GRIK2: variants seen among roughly 807,000 people sequenced by gnomAD.
The protein encoded by GRIK2 is glutamate receptor ionotropic, kainate 2.
A neutral mutation model predicts 100.3 loss-of-function variants in GRIK2; 32 were observed. That is an observed-to-expected ratio of 0.32 (90% CI 0.24 to 0.43). GRIK2 has a LOEUF of 0.43. Ranked by LOEUF, GRIK2 falls within the 20% of genes least tolerant of loss-of-function variation. GRIK2 has a pLI of 1.00. For synonymous variants in GRIK2, 417 were observed against 389.4 expected, an observed-to-expected ratio of 1.07 and a Z score of -0.83; for missense variants, 843 against 1,114.9, an observed-to-expected ratio of 0.76 and a Z score of 3.47.
chr6:101,801,968 C>G lies in GRIK2; in HGVS notation c.1096-363C>G, dbSNP rs1274518069. Among the ~76,000 whole-genome samples the G allele has an allele frequency of 1.5e-4, 23 of 151,820 alleles. No homozygotes were observed. In the South Asian group the frequency reaches 4.8e-3, roughly 31 times the overall value. Reference sequence around the variant, plus strand: ...GTAGTGGGATTTTATAACAGTAGTTCTAACTGTATTTGCCAGTGAGATATT... The same window carrying G: ...GTAGTGGGATTTTATAACAGTAGTTGTAACTGTATTTGCCAGTGAGATATT... On this transcript the variant is annotated intron_variant, in intron 8 of 16. Transcript: ENST00000369134.
In GRIK2 at chr6:102,035,238, G is replaced by C. The variant is rs537591093; in HGVS notation, c.2086-103G>C. On this transcript the variant is annotated intron_variant, in intron 14 of 16. Transcript: ENST00000369134. Reference sequence around the variant, plus strand: ...ATTCCTTAAAAATTATATTAAGATGGTACAAGTAAAGTAAATGTAGTTCAT... The same window carrying C: ...ATTCCTTAAAAATTATATTAAGATGCTACAAGTAAAGTAAATGTAGTTCAT... 1.7e-5 allele frequency: 8 copies of C among 478,126 alleles called. No homozygotes were observed. In the South Asian group the frequency reaches 2.9e-4, roughly 17 times the overall value. The allele number at this position is 478,126 out of a possible 1,614,324, so 29.6% of individuals were successfully genotyped here. A position where few individuals can be genotyped will look rare whatever the true frequency, so the allele number is the denominator to read the frequency against.
intron 4 of GRIK2, among the ~76,000 whole-genome samples, chr6:101,667,934 T>C (rs1209269750): frequency 1.3e-5 from 2 of 152,138 alleles, no homozygotes; most frequent in Admixed American, 1.3e-4. Context: ...AATAATCAAT[T>C]ATCCCTGACA....
At chr6:101,520,961 G>A (rs1196428106) in intron 2 of GRIK2, among the ~76,000 whole-genome samples, 10 of 151,888 alleles carry the variant, frequency 6.6e-5, no homozygotes, top group Admixed American at 6.6e-4. Context: ...TTATACATAG[G>A]AAGTTGAATA....
chr6:102,053,074 C>T (rs995268334), intron 15 of GRIK2, among the ~76,000 whole-genome samples: 1 of 146,602 alleles, frequency 6.8e-6, no homozygotes, highest in Non-Finnish European at 1.5e-5. Context: ...TCTACAAAGA[C>T]AAACAACAAC....
At chr6:101,538,501 A>T (rs1775829824) in intron 2 of GRIK2, among the ~76,000 whole-genome samples, 1 of 151,716 alleles carries the variant, frequency 6.6e-6, no homozygotes, top group Non-Finnish European at 1.5e-5. Context: ...TCTTATACAT[A>T]GTAGGTTAAA....
Position 101,393,851 on chromosome 6 carries a change from G to A in GRIK2, c.-294+14G>A, listed in dbSNP as rs904600503. 5.0e-5 allele frequency among the ~76,000 whole-genome samples: 7 copies of A among 140,746 alleles called. No homozygotes were observed. Among genetic ancestry groups the A allele is most frequent in the African/African-American group, 1.8e-4 (7 of 39,624 alleles). 92.3% of individuals were successfully genotyped at this position (140,746 alleles called of 152,430 possible). The stretch of plus-strand genomic sequence containing the variant: ...CCCTAGCTCCAGGTAAGGACTCCCC[G>A]GCTGTGGGCTGCACTCCGGGCTCCT... On this transcript the variant is annotated intron_variant, in intron 1 of 16. Transcript: ENST00000369134.
intron 7 of GRIK2, among the ~76,000 whole-genome samples, chr6:101,791,315 G>T (rs1249595830): frequency 6.6e-6 from 1 of 152,002 alleles, no homozygotes; most frequent in Non-Finnish European, 1.5e-5. Context: ...GTCAATTTTG[G>T]ATCTTTCCTG....
rs578087920 is a variant in GRIK2, at chr6:101,595,230, G to T, written c.116-26719G>T. 1.4e-3 allele frequency among the ~76,000 whole-genome samples: 211 copies of T among 151,756 alleles called. 1 individual carries two copies. The highest frequency in any genetic ancestry group is 2.5e-3 in the Non-Finnish European group (171 of 67,782). ...AGGAAAACAGGGAGAGAAGAAAGGTGGGAGAGACAGACAGAAGGAGGGGAG... is the reference window on the plus strand; with the variant it reads ...AGGAAAACAGGGAGAGAAGAAAGGTTGGAGAGACAGACAGAAGGAGGGGAG... On this transcript the variant is annotated intron_variant, in intron 2 of 16. Transcript: ENST00000369134.
chr6:102,035,193 G>GTATA (rs139440547), intron 14 of GRIK2, 148 bp from the exon 15 acceptor site: 31,780 of 216,160 alleles, frequency 0.15, 2,486 homozygotes, highest in African/African-American at 0.23. Context: ...GACTTTTTTG[G>GTATA]TATATATATA....
chr6:102,015,615 C>G (rs367885874), intron 14 of GRIK2, among the ~76,000 whole-genome samples: 1 of 152,162 alleles, frequency 6.6e-6, no homozygotes, highest in South Asian at 2.1e-4. Flanking sequence ...ACCCTGGCAC[C>G]CACTAGCACC....
At chr6:101,925,937 A>C (rs1218745435) in intron 13 of GRIK2, among the ~76,000 whole-genome samples, 1 of 151,902 alleles carries the variant, frequency 6.6e-6, no homozygotes, top group African/African-American at 2.4e-5. Flanking sequence ...AAAAAGTTTA[A>C]TTTACCAATA....
At chr6:101,399,718 A>T (rs796280316) in intron 2 of GRIK2, among the ~76,000 whole-genome samples, 3 of 152,228 alleles carry the variant, frequency 2.0e-5, no homozygotes, top group African/African-American at 7.2e-5. Context: ...GCGCCCTGCG[A>T]GCTTGGAGGG....
At chr6:101,780,450 C>G (rs1166463053) in intron 7 of GRIK2, among the ~76,000 whole-genome samples, 1 of 152,042 alleles carries the variant, frequency 6.6e-6, no homozygotes, top group African/African-American at 2.4e-5. Flanking sequence ...TTCCTGCTCT[C>G]AAAAATGTTT....
At chr6:101,551,924 G>T (rs1776531135) in intron 2 of GRIK2, among the ~76,000 whole-genome samples, 1 of 152,168 alleles carries the variant, frequency 6.6e-6, no homozygotes, top group Non-Finnish European at 1.5e-5. Flanking sequence ...GGGAAGATTA[G>T]TGTAAAGCTT....
chr6:101,777,657 T>G (rs1778834534), intron 7 of GRIK2, among the ~76,000 whole-genome samples: 1 of 152,120 alleles, frequency 6.6e-6, no homozygotes. Flanking sequence ...ATTCATAAAC[T>G]TCTATTCTAT....
At chr6:101,629,378 A>T (rs909954710) in intron 4 of GRIK2, among the ~76,000 whole-genome samples, 1 of 152,148 alleles carries the variant, frequency 6.6e-6, no homozygotes, top group African/African-American at 2.4e-5. Flanking sequence ...ATTTAATTCA[A>T]TGAATTTTGA....
chr6:101,812,760 A>G (rs890581062), intron 9 of GRIK2, among the ~76,000 whole-genome samples: 1 of 152,024 alleles, frequency 6.6e-6, no homozygotes, highest in Admixed American at 6.6e-5. Flanking sequence ...ACGATCATCC[A>G]TTACTGCACA....
At chr6:101,645,856 A>G (rs937801569) in intron 4 of GRIK2, among the ~76,000 whole-genome samples, 4 of 151,912 alleles carry the variant, frequency 2.6e-5, no homozygotes, top group African/African-American at 4.8e-5. Flanking sequence ...GAATGTTAGT[A>G]TCCTTTCTGC....
intron 7 of GRIK2, among the ~76,000 whole-genome samples, chr6:101,738,649 T>C (rs1041837508): frequency 6.6e-6 from 1 of 152,156 alleles, no homozygotes; most frequent in South Asian, 2.1e-4. Context: ...AATCTGACAT[T>C]GTTGACCAGG....
Sources: allele counts gnomAD v4.1 joint callset (sites outside exome capture counted in the v4.1 genomes callset), GRCh38; gene constraint gnomAD v4.1.1; transcripts MANE v1.5; gene names NCBI Gene and HGNC (gene_info 2026-07-23, HGNC 2026-07-21).